Variants in KANSL1L observed in about 807,000 individuals in gnomAD.
KANSL1L encodes KAT8 regulatory NSL complex subunit 1 like.
Under a neutral mutation model 108.6 loss-of-function variants are expected in KANSL1L, and 25 were observed. The ratio of observed to expected loss-of-function variants is 0.23; its 90% CI spans 0.17 to 0.32. The LOEUF (loss-of-function observed/expected upper bound fraction) is 0.32, where lower values mean the gene tolerates loss of function less well. Ranked by LOEUF, KANSL1L falls within the 10% of genes least tolerant of loss-of-function variation. The pLI is 1.00. For missense variants in KANSL1L, 1,137 were observed against 1,125.7 expected (o/e 1.01, Z -0.14); for synonymous variants, 405 against 395.1 (o/e 1.03, Z -0.30).
chr2:210,047,792 C>T (rs900822416), intron 6 of KANSL1L, among the ~76,000 whole-genome samples: 1 of 152,138 alleles, frequency 6.6e-6, no homozygotes, highest in Non-Finnish European at 1.5e-5. Flanking sequence ...GTTTTAAAAA[C>T]CACATAGGTT....
intron 12 of KANSL1L, among the ~76,000 whole-genome samples, chr2:210,026,833 C>T (rs1055672603): frequency 5.9e-5 from 9 of 152,018 alleles, no homozygotes; most frequent in Admixed American, 1.3e-4. Context: ...TGCAGTGGTG[C>T]GATCTCGGCT....
chr2:210,080,166 C>G (rs1224986263), intron 5 of KANSL1L: 1 of 152,120 alleles, frequency 6.6e-6, no homozygotes, highest in East Asian at 1.9e-4. Flanking sequence ...CACACACACA[C>G]ACACACACTG....
In KANSL1L at chr2:210,108,989, C is replaced by A. The variant is rs75783394; in HGVS notation, c.1231-4688G>T. Among the ~76,000 whole-genome samples, 1,425 of 152,182 alleles carry A rather than the reference C, an allele frequency of 9.4e-3. 22 individuals carry two copies. The highest frequency in any genetic ancestry group is 0.029 in the African/African-American group (1,223 of 41,516). On this transcript the variant is annotated intron_variant, in intron 3 of 14. Coordinates refer to ENST00000281772, the MANE Select transcript of KANSL1L (RefSeq NM_152519.4). ...CTACTTTGTCATTCCTGAAAATGAT[C>A]ATGTTGTTTCACACCTTCAAACCTG...
chr2:210,035,005 C>T (rs984479647), intron 8 of KANSL1L, among the ~76,000 whole-genome samples: 1 of 152,126 alleles, frequency 6.6e-6, no homozygotes, highest in African/African-American at 2.4e-5. Context: ...CCCTTTAGCC[C>T]TAAATACATC....
At chr2:210,049,438 T>A (rs1266133207) in intron 6 of KANSL1L, among the ~76,000 whole-genome samples, 1 of 152,052 alleles carries the variant, frequency 6.6e-6, no homozygotes, top group Non-Finnish European at 1.5e-5. Flanking sequence ...TATGGTAATG[T>A]TCCTACCATA....
chr2:210,120,197 C>T (rs1290685493), intron 3 of KANSL1L, among the ~76,000 whole-genome samples: 2 of 152,210 alleles, frequency 1.3e-5, no homozygotes, highest in African/African-American at 2.4e-5. Flanking sequence ...CGAGACCAGC[C>T]TGGGCAACAC....
chr2:210,153,344 A>G (rs1317651592), intron 2 of KANSL1L, 151 bp downstream of exon 2: 1 of 634,362 alleles, frequency 1.6e-6, no homozygotes, highest in East Asian at 3.0e-5. Flanking sequence ...ACAGAGCGAG[A>G]CTCTGTCTCA....
At chr2:210,119,550 A>G (rs2094993929) in intron 3 of KANSL1L, among the ~76,000 whole-genome samples, 1 of 152,344 alleles carries the variant, frequency 6.6e-6, no homozygotes, top group Middle Eastern at 3.4e-3. Context: ...AAATTAATCA[A>G]TCTGATAGAT....
intron 3 of KANSL1L, among the ~76,000 whole-genome samples, chr2:210,127,660 A>T (rs1386477356): frequency 6.6e-6 from 1 of 151,744 alleles, no homozygotes; most frequent in Non-Finnish European, 1.5e-5. Flanking sequence ...TTAGCCAGGC[A>T]TGGTGGCACG....
intron 6 of KANSL1L, among the ~76,000 whole-genome samples, chr2:210,057,397 TTTC>T (rs2094363238): frequency 6.6e-6 from 1 of 152,026 alleles, no homozygotes; most frequent in Non-Finnish European, 1.5e-5. Context: ...AGTGAGAGTC[TTTC>T]TCAAAAAAAC....
In KANSL1L at chr2:210,104,264, T is replaced by C; in HGVS notation, c.1268A>G (p.Asp423Gly). The part of the protein sequence containing the change: ...VVLEECQLPK[D>G]ILKKQMQFAD... ...AAATTGCATTTGTTTTTTCAAAATA[T>C]CTTTTGGAAGCTGACATTCTTCTAG... Residue 423 changes from aspartate (D) to glycine (G), a missense_variant, in exon 4 of 15, where the codon GAT becomes GGT. Physicochemically the swap from Asp to Gly is moderately conservative, Grantham distance 94. This residue lies in a region of KANSL1L where 556 missense variants were observed against 537.7 expected (regional missense o/e 1.03). Coordinates refer to ENST00000281772, the MANE Select transcript of KANSL1L (RefSeq NM_152519.4). The C allele has an allele frequency of 6.2e-7, 1 of 1,613,880 alleles. No homozygotes were observed.
At chr2:210,127,035 TA>T (rs200203456) in intron 3 of KANSL1L, among the ~76,000 whole-genome samples, 2 of 149,878 alleles carry the variant, frequency 1.3e-5, no homozygotes, top group African/African-American at 2.5e-5. Flanking sequence ...TGTCTCTTTT[TA>T]AAAAAAAAGA....
rs923970950 is a variant in KANSL1L at position 210,074,172 on chromosome 2, G to A, written c.1755+1380C>T. 6.6e-5 allele frequency among the ~76,000 whole-genome samples: 10 copies of A among 152,070 alleles called. No individual in the cohort carries two copies. In the East Asian group the frequency reaches 1.9e-3, roughly 29 times the overall value. On this transcript the variant is annotated intron_variant, in intron 6 of 14. Transcript: ENST00000281772. ...ATTGGGGTGACAATATGGGAGATAA[G>A]CTGAGGGTAACAGAATTTGCTATTC...
chr2:210,158,065 T>C (rs2095343338), intron 1 of KANSL1L, among the ~76,000 whole-genome samples: 1 of 152,174 alleles, frequency 6.6e-6, no homozygotes, highest in African/African-American at 2.4e-5. Flanking sequence ...GGCTTACCGG[T>C]AGGACAGGTA....
intron 1 of KANSL1L, among the ~76,000 whole-genome samples, chr2:210,157,848 A>C (rs76303606): frequency 0.011 from 1,631 of 152,076 alleles, 25 homozygotes; most frequent in African/African-American, 0.035. Flanking sequence ...CAGGCTCTGC[A>C]AAAAAATGAT....
chr2:210,084,932 A>G (rs1049167237), intron 5 of KANSL1L, among the ~76,000 whole-genome samples: 5 of 151,978 alleles, frequency 3.3e-5, no homozygotes, highest in African/African-American at 1.2e-4. Context: ...TTTTATTAGG[A>G]TGTCTAATAC....
At chr2:210,153,395 A>G in intron 2 of KANSL1L, 100 bp downstream of exon 2, 1 of 940,370 alleles carries the variant, frequency 1.1e-6, no homozygotes, top group Non-Finnish European at 1.6e-6. Flanking sequence ...TATAGCATTA[A>G]GATTTTAGAA....
Position 210,153,827 on chromosome 2 carries a change from A to C in KANSL1L, c.756T>G (p.His252Gln). Residue 252 changes from histidine (H) to glutamine (Q), a missense_variant, in exon 2 of 15, where the codon CAT becomes CAG. Around this residue, in one of 3 missense-constraint regions of KANSL1L, gnomAD observed 556 missense variants for 537.7 expected, o/e 1.03. Coordinates refer to ENST00000281772, the MANE Select transcript of KANSL1L (RefSeq NM_152519.4). ...TCTGCTGACCATAGTGCTTAACAAC[A>C]TGCTTTGCCAGGAGCATCTGCAAAT... is the stretch of plus-strand genomic sequence containing the variant. ...QKHLQMLLAK[H>Q]VVKHYGQQMK... is the part of the protein sequence containing the mutation. 8 of 1,612,940 alleles carry C rather than the reference A, an allele frequency of 5.0e-6. No individual in the cohort carries two copies. The highest frequency in any genetic ancestry group is 6.8e-6 in the Non-Finnish European group (8 of 1,179,722).
At position 210,153,798 on chromosome 2, in the gene KANSL1L, T is replaced by C; in HGVS notation, c.785A>G (p.Lys262Arg). 1 of 1,613,238 alleles carries C rather than the reference T, an allele frequency of 6.2e-7. No homozygotes were observed. The highest frequency in any genetic ancestry group is 8.5e-7 in the Non-Finnish European group (1 of 1,179,818). ...GGGGAGTTGATGTTTCATAGACAAT[T>C]TCATCTGCTGACCATAGTGCTTAAC... ...HVVKHYGQQM[K>R]LSMKHQLPKM... The change falls in exon 2 of 15, where the codon AAA becomes AGA. Residue 262 changes from lysine (K) to arginine (R), a missense_variant. Lys to Arg is a conservative substitution (Grantham distance 26, BLOSUM62 2). Transcript: ENST00000281772.
Sources: allele counts gnomAD v4.1 joint callset (sites outside exome capture counted in the v4.1 genomes callset), GRCh38; gene constraint gnomAD v4.1.1; regional missense constraint gnomAD v4.1.1; transcripts MANE v1.5; gene names NCBI Gene and HGNC (gene_info 2026-07-23, HGNC 2026-07-21).